The following HPS4 variants were observed in gnomAD, a reference collection of about 807,000 sequenced individuals.
HPS4 encodes BLOC-3 complex member HPS4.
Under a neutral mutation model 70.3 loss-of-function variants are expected in HPS4, and 44 were observed. The observed-to-expected ratio is 0.63, with a 90% CI of 0.49 to 0.80. The LOEUF (loss-of-function observed/expected upper bound fraction) is 0.80. Among genes scored for constraint, HPS4 ranks in the 30% least tolerant of loss-of-function variants. The probability of loss-of-function intolerance (pLI) is 0.00; values close to 1 mark genes in which losing one functional copy is unlikely to be tolerated. For missense variants in HPS4, 873 were observed against 884.4 expected, an observed-to-expected ratio of 0.99 and a Z score of 0.16; for synonymous variants, 377 against 355.9, an observed-to-expected ratio of 1.06 and a Z score of -0.67.
Position 26,472,818 on chromosome 22 carries a change from C to A in HPS4, c.384+14G>T. ...AGAGGCCCAATGTAAGACTCCTCAA[C>A]CCCATACTTGTACCTCATAAGCTAG... On this transcript the variant is annotated intron_variant, in intron 5 of 13. Coordinates refer to ENST00000398145, the MANE Select transcript of HPS4 (RefSeq NM_022081.6). 6.3e-7 allele frequency: 1 copy of A among 1,590,100 alleles called. No individual in the cohort carries two copies. Among genetic ancestry groups the A allele is most frequent in the Non-Finnish European group, 8.6e-7 (1 of 1,158,042 alleles).
In HPS4 at chr22:26,464,173, C is replaced by T. The variant is rs942076085; in HGVS notation, c.1457G>A (p.Gly486Glu). ...AACATCCTCATCCAGGCCTTGTTCC[C>T]CCGTGGGAAGCTTGTTTCCTCTCTG... ...PGQRGNKLPT[G>E]EQGLDEDVDG... Residue 486 changes from glycine to glutamate, a missense_variant, in exon 11 of 14, where the codon GGG becomes GAG. Physicochemically the swap from Gly to Glu is moderately conservative, Grantham distance 98 (BLOSUM62 -2). Coordinates refer to ENST00000398145, the MANE Select transcript of HPS4 (RefSeq NM_022081.6). The T allele has an allele frequency of 6.8e-6, 11 of 1,614,130 alleles. No individual in the cohort carries two copies. Among genetic ancestry groups the T allele is most frequent in the Non-Finnish European group, 9.3e-6 (11 of 1,180,056 alleles).
At chr22:26,474,381 A>G (rs74491842) in intron 4 of HPS4, among the ~76,000 whole-genome samples, 1,277 of 56,120 alleles carry the variant, frequency 0.023, 8 homozygotes, top group Middle Eastern at 0.049. Flanking sequence ...ATCCAGGTGG[A>G]AAAAAAAAAA....
In HPS4 at chr22:26,468,261, C is replaced by T. The variant is rs1044818635; in HGVS notation, c.669+290G>A. On this transcript the variant is annotated intron_variant, in intron 8 of 13. Transcript: ENST00000398145. ...TCTGTCTCTGAAAAGTCTAACATCTCTTTGACATAAAGAGACATCAAATTC... is the reference window on the plus strand; with the variant it reads ...TCTGTCTCTGAAAAGTCTAACATCTTTTTGACATAAAGAGACATCAAATTC... 3 of 453,846 alleles carry T rather than the reference C, an allele frequency of 6.6e-6. No homozygotes were observed. In the Admixed American group the frequency reaches 1.0e-4, roughly 16 times the overall value. The allele number at this position is 453,846 out of a possible 1,614,324, so 28.1% of individuals were successfully genotyped here.
chr22:26,466,992 A>T (rs972733699), intron 8 of HPS4: 1 of 152,458 alleles, frequency 6.6e-6, no homozygotes, highest in Non-Finnish European at 1.5e-5. Flanking sequence ...GCGTTGAAAA[A>T]AAAAATCACA....
At chr22:26,481,593 T>C (rs1186781420) in intron 2 of HPS4, 129 bp downstream of exon 2, 2 of 867,236 alleles carry the variant, frequency 2.3e-6, no homozygotes, top group East Asian at 5.0e-5. Context: ...TCAGCTGCTC[T>C]GAGGAAAATG....
In HPS4 at chr22:26,472,957, A is replaced by T. The variant is rs772867343; in HGVS notation, c.277-18T>A. ...CCCAGCACCTGTAAAGAGAGAAACC[A>T]GGAAGACAAGCATCTTCCTTCTCTT... is the stretch of plus-strand genomic sequence containing the variant. On this transcript the variant is annotated intron_variant, in intron 4 of 13. Coordinates refer to ENST00000398145, the MANE Select transcript of HPS4 (RefSeq NM_022081.6). 2 of 1,607,802 alleles carry T rather than the reference A, an allele frequency of 1.2e-6. No individual in the cohort carries two copies. Among genetic ancestry groups the T allele is most frequent in the Non-Finnish European group, 1.7e-6 (2 of 1,174,256 alleles).
rs775289919 is a variant in HPS4 at position 26,468,567 on chromosome 22, G to A, written c.653C>T (p.Thr218Ile). 2 of 1,613,600 alleles carry A rather than the reference G, an allele frequency of 1.2e-6. No homozygotes were observed. The highest frequency in any genetic ancestry group is 3.3e-5 in the Admixed American group (2 of 60,018). Residue 218 changes from threonine (T) to isoleucine (I), a missense_variant, in exon 8 of 14, where the codon ACA becomes ATA. By Grantham distance (89) the Thr-to-Ile change is moderately conservative (BLOSUM62 -1). Transcript: ENST00000398145. Reference protein sequence around the residue: ...SLTAKVLLHRTAPQEQRLPTG... With the variant: ...SLTAKVLLHRIAPQEQRLPTG... ...TTACAATACCTGCTCCTGAGGTGCT[G>A]TTCGGTGAAGCAGGACCTTGGCGGT...
At chr22:26,478,570 CAAAA>C (rs58708957) in intron 3 of HPS4, among the ~76,000 whole-genome samples, 2 of 111,238 alleles carry the variant, frequency 1.8e-5, no homozygotes, top group Non-Finnish European at 3.4e-5. Context: ...GCCTCCATCA[CAAAA>C]AAAAAAAAAA....
At chr22:26,443,693 G>A (rs1390331683), downstream of HPS4, 1 of 152,368 alleles carries the variant, frequency 6.6e-6, no homozygotes, top group African/African-American at 2.4e-5. Context: ...TGGCACACTG[G>A]GGACCCTTCA....
chr22:26,483,728 G>T lies in HPS4; in HGVS notation c.-533C>A. On this transcript the variant is annotated 5_prime_UTR_variant, in exon 1 of 14. Coordinates refer to ENST00000398145, the MANE Select transcript of HPS4 (RefSeq NM_022081.6). ...GTTCGGGACTCTGGACCAGAAATGT[G>T]GGCAGCAGCTGGGTACCTGCGACTT... The T allele has an allele frequency of 2.3e-6, 1 of 442,074 alleles. No homozygotes were observed. The highest frequency in any genetic ancestry group is 3.8e-5 in the East Asian group (1 of 26,524). The allele number at this position is 442,074 out of a possible 1,614,324, so 27.4% of individuals were successfully genotyped here.
chr22:26,458,301 C>T (rs1465555302), intron 12 of HPS4, 144 bp downstream of exon 12: 2 of 1,010,882 alleles, frequency 2.0e-6, no homozygotes, highest in East Asian at 4.9e-5. Context: ...TGGGACTGGG[C>T]TCCCGGTGAG....
chr22:26,474,399 T>C (rs772874086), intron 4 of HPS4, among the ~76,000 whole-genome samples: 17 of 152,050 alleles, frequency 1.1e-4, no homozygotes, highest in Admixed American at 2.0e-4. Flanking sequence ...AAAAAGATCC[T>C]TGACCTCTAT....
In HPS4 at chr22:26,482,969, AGCTTAAT is replaced by A. The variant is rs1173988295; in HGVS notation, c.-479+698_-479+704del. 2.0e-5 allele frequency: 3 copies of A among 152,348 alleles called. No homozygotes were observed. The East Asian group carries it at 5.8e-4, about 29-fold the overall frequency. The allele number at this position is 152,348 out of a possible 1,614,324, so 9.4% of individuals were successfully genotyped here. A position where few individuals can be genotyped will look rare whatever the true frequency, so the allele number is the denominator to read the frequency against. Reference sequence around the variant, plus strand: ...CTAATTCTTACTGTCACTTTCTCCAAGCTTAATGCTTTAGCAACATGGTCTCAAATGT... The same window carrying A: ...CTAATTCTTACTGTCACTTTCTCCAAGCTTTAGCAACATGGTCTCAAATGT... On this transcript the variant is annotated intron_variant, in intron 1 of 13. Coordinates refer to ENST00000398145, the MANE Select transcript of HPS4 (RefSeq NM_022081.6).
chr22:26,460,405 G>A (rs1282917066), intron 11 of HPS4, among the ~76,000 whole-genome samples: 3 of 152,166 alleles, frequency 2.0e-5, no homozygotes, highest in Non-Finnish European at 4.4e-5. Context: ...ACACGCACAC[G>A]GGCACACATA....
At chr22:26,471,524 G>A (rs5761549) in intron 6 of HPS4, 156,807 of 400,970 alleles carry the variant, frequency 0.39, 32,063 homozygotes, top group South Asian at 0.52. Flanking sequence ...TGGAGCCTCC[G>A]GAGCTGCTGA....
At chr22:26,479,215 C>T (rs2146976671) in intron 3 of HPS4, 50 bp downstream of exon 3, 1 of 1,595,280 alleles carries the variant, frequency 6.3e-7, no homozygotes, top group East Asian at 2.2e-5. Flanking sequence ...AAAGTCACCA[C>T]TTGGAGGCAC....
At chr22:26,469,798 A>G (rs1485894769) in intron 7 of HPS4, among the ~76,000 whole-genome samples, 2 of 152,238 alleles carry the variant, frequency 1.3e-5, no homozygotes, top group Non-Finnish European at 2.9e-5. Flanking sequence ...ACGAACTTGG[A>G]AATCCCACAG....
In HPS4 at chr22:26,468,570, C is replaced by T. The variant is rs146217183; in HGVS notation, c.650G>A (p.Arg217Gln). 36 of 1,612,552 alleles carry T rather than the reference C, an allele frequency of 2.2e-5. No homozygotes were observed. The highest frequency in any genetic ancestry group is 1.6e-4 in the Middle Eastern group (1 of 6,082). Residue 217 changes from arginine to glutamine, a missense_variant, in exon 8 of 14, where the codon CGA becomes CAA. Transcript: ENST00000398145. The stretch of plus-strand genomic sequence containing the variant: ...CAATACCTGCTCCTGAGGTGCTGTT[C>T]GGTGAAGCAGGACCTTGGCGGTGAG... The part of the protein sequence containing the change: ...PSLTAKVLLH[R>Q]TAPQEQRLPT...
chr22:26,461,111 G>A (rs2087166907), intron 11 of HPS4, among the ~76,000 whole-genome samples: 1 of 152,228 alleles, frequency 6.6e-6, no homozygotes, highest in Non-Finnish European at 1.5e-5. Context: ...GACTTCTAGT[G>A]CACACGAAAG....
Sources: allele counts gnomAD v4.1 joint callset (sites outside exome capture counted in the v4.1 genomes callset), GRCh38; gene constraint gnomAD v4.1.1; transcripts MANE v1.5; gene names NCBI Gene and HGNC (gene_info 2026-07-23, HGNC 2026-07-21).